Variants in ACSM2B observed in about 807,000 individuals in gnomAD.
The protein encoded by ACSM2B is acyl-coenzyme A synthetase ACSM2B, mitochondrial.
ACSM2B carries 58 observed loss-of-function variants against 78.6 expected under a neutral mutation model. That is an observed-to-expected ratio of 0.74 (90% confidence interval 0.60 to 0.92). The LOEUF (loss-of-function observed/expected upper bound fraction) is 0.92. Ranked by LOEUF, ACSM2B falls within the 40% of genes least tolerant of loss-of-function variation. The pLI, the probability that ACSM2B is intolerant of heterozygous loss-of-function variation, is 0.00. For missense variants in ACSM2B, 688 were observed against 711.2 expected (o/e 0.97, Z 0.37); for synonymous variants, 257 against 256.8 (o/e 1.00, Z -0.01).
chr16:20,566,661 T>TAG lies in ACSM2B; in HGVS notation c.-8-1809_-8-1808insCT, dbSNP rs1315446764. On this transcript the variant is annotated intron_variant, in intron 1 of 13. Transcript: ENST00000329697. ...ATATATATACTATACTATATATATG[T>TAG]ATATATAGTATATACATATAGTATA... Among the ~76,000 whole-genome samples the TAG allele has an allele frequency of 8.4e-4, 36 of 42,916 alleles. 1 individual carries two copies. The highest frequency in any genetic ancestry group is 7.4e-3 in the African/African-American group (36 of 4,868). 28.2% of individuals were successfully genotyped at this position (42,916 alleles called of 152,430 possible).
At position 20,564,786 on chromosome 16, in the gene ACSM2B, G is replaced by A. The variant is rs2015770850; in HGVS notation, c.60C>T (p.Ser20=). The A allele has an allele frequency of 6.2e-7, 1 of 1,613,250 alleles. No individual in the cohort carries two copies. The highest frequency in any genetic ancestry group is 1.1e-5 in the South Asian group (1 of 90,988). The stretch of plus-strand genomic sequence containing the variant: ...GCCTACTATTAATGTAGAGAGTGCG[G>A]CTGGACATCTGAGTACCCCACAGGG... ...LCTLWGTQMS[S]RTLYINSRQL... The change falls in exon 2 of 14, where the codon AGC becomes AGT. Residue 20 remains serine, a synonymous_variant. Coordinates refer to ENST00000329697, the MANE Select transcript of ACSM2B (RefSeq NM_001105069.2).
intron 2 of ACSM2B, among the ~76,000 whole-genome samples, chr16:20,562,018 C>G (rs1228330057): frequency 6.6e-6 from 1 of 151,436 alleles, no homozygotes. Flanking sequence ...TATTTTTTGT[C>G]TATTTGTTGA....
chr16:20,570,735 C>A (rs1216849405), intron 1 of ACSM2B, among the ~76,000 whole-genome samples: 2 of 151,518 alleles, frequency 1.3e-5, no homozygotes, highest in Admixed American at 1.3e-4. Flanking sequence ...TTTGTATTAC[C>A]ATTTTAATCT....
Position 20,537,098 on chromosome 16 carries a change from A to T in ACSM2B, c.*160T>A, listed in dbSNP as rs2014862417. On this transcript the variant is annotated 3_prime_UTR_variant, in exon 14 of 14. Coordinates refer to ENST00000329697, the MANE Select transcript of ACSM2B (RefSeq NM_001105069.2). ...CATTCCTTCCCTTTCTTATTTCAAT[A>T]TCTAACATAGTAATGTTTTGTGCTA... 1 of 822,006 alleles carries T rather than the reference A, an allele frequency of 1.2e-6. No individual in the cohort carries two copies. The highest frequency in any genetic ancestry group is 1.9e-6 in the Non-Finnish European group (1 of 515,956). The allele number at this position is 822,006 out of a possible 1,614,324, so 50.9% of individuals were successfully genotyped here.
chr16:20,546,097 T>A (rs1413460503), intron 9 of ACSM2B, among the ~76,000 whole-genome samples: 1 of 152,214 alleles, frequency 6.6e-6, no homozygotes, highest in Non-Finnish European at 1.5e-5. Flanking sequence ...CAAAATATTA[T>A]GTCAAGATTC....
intron 13 of ACSM2B, among the ~76,000 whole-genome samples, chr16:20,539,292 A>G (rs1272450155): frequency 4.4e-5 from 2 of 45,802 alleles, no homozygotes; most frequent in African/African-American, 5.5e-5. Context: ...CAGAAGACCT[A>G]TGACAATTAG....
chr16:20,555,163 C>T (rs1483208379), intron 4 of ACSM2B, 106 bp downstream of exon 4: 2 of 1,547,980 alleles, frequency 1.3e-6, no homozygotes. Context: ...TCTTCCTAGT[C>T]CCATGCTGTT....
rs535347683 is a variant in ACSM2B at position 20,572,775 on chromosome 16, T to A, written c.-9+3432A>T. On this transcript the variant is annotated intron_variant, in intron 1 of 13. Transcript: ENST00000329697. ...CTTGGAGGCTTTGTTCATTGAAAAA[T>A]TTTTTTTTCTTTGTCTTTGTTGGAT... 1.2e-3 allele frequency among the ~76,000 whole-genome samples: 179 copies of A among 151,766 alleles called. 5 individuals carry two copies. The South Asian group carries it at 0.035, about 30-fold the overall frequency.
At chr16:20,561,853 A>T (rs1315227786) in intron 2 of ACSM2B, among the ~76,000 whole-genome samples, 1 of 130,682 alleles carries the variant, frequency 7.7e-6, no homozygotes, top group African/African-American at 2.8e-5. Flanking sequence ...GCCTAATGTT[A>T]TCCCTCCCCC....
intron 1 of ACSM2B, among the ~76,000 whole-genome samples, chr16:20,565,416 C>T (rs1161842790): frequency 6.6e-6 from 1 of 152,098 alleles, no homozygotes; most frequent in Non-Finnish European, 1.5e-5. Flanking sequence ...AGACTGGGAC[C>T]CAGAACATCA....
chr16:20,536,330 T>G lies in ACSM2B; in HGVS notation c.*928A>C, dbSNP rs1343189694. On this transcript the variant is annotated 3_prime_UTR_variant, in exon 14 of 14. Coordinates refer to ENST00000329697, the MANE Select transcript of ACSM2B (RefSeq NM_001105069.2). ...TAACACCAAAAACATGAGGTATGGG[T>G]AGCTGATAACTTTGGCAGTGCTTAC... The G allele has an allele frequency of 1.3e-5, 2 of 152,172 alleles. No individual in the cohort carries two copies. The highest frequency in any genetic ancestry group is 2.9e-5 in the Non-Finnish European group (2 of 68,018). The allele number at this position is 152,172 out of a possible 1,614,324, so 9.4% of individuals were successfully genotyped here.
chr16:20,574,860 T>C lies in ACSM2B; in HGVS notation c.-9+1347A>G, dbSNP rs533957754. 8.9e-4 allele frequency among the ~76,000 whole-genome samples: 130 copies of C among 146,260 alleles called. 2 individuals carry two copies. The highest frequency in any genetic ancestry group is 2.3e-3 in the Admixed American group (34 of 15,018). The stretch of plus-strand genomic sequence containing the variant: ...GAGGCTCAGTATCTGCTTCTGAAGC[T>C]GGGAGATAGAATCCCCGAGTTCATC... On this transcript the variant is annotated intron_variant, in intron 1 of 13. Coordinates refer to ENST00000329697, the MANE Select transcript of ACSM2B (RefSeq NM_001105069.2).
At chr16:20,553,127 A>C (rs1265045886) in intron 5 of ACSM2B, among the ~76,000 whole-genome samples, 1 of 152,204 alleles carries the variant, frequency 6.6e-6, no homozygotes, top group African/African-American at 2.4e-5. Flanking sequence ...CTATGGGCTC[A>C]TAGATGGAAC....
intron 1 of ACSM2B, among the ~76,000 whole-genome samples, chr16:20,573,528 T>A (rs62036663): frequency 0.42 from 51,935 of 124,204 alleles, 13,155 homozygotes; most frequent in Non-Finnish European, 0.52. Context: ...AAAGTCAGTG[T>A]CCCCAGCTTC....
At chr16:20,549,820 A>G in intron 6 of ACSM2B, 1 of 449,964 alleles carries the variant, frequency 2.2e-6, no homozygotes, top group Non-Finnish European at 4.4e-6. Context: ...GGGGGCTTCC[A>G]GCTTATAGGT....
At chr16:20,551,950 A>G (rs1423846332) in intron 6 of ACSM2B, among the ~76,000 whole-genome samples, 194 bp downstream of exon 6, 4 of 152,142 alleles carry the variant, frequency 2.6e-5, no homozygotes, top group African/African-American at 9.7e-5. Context: ...TTATCTATAT[A>G]TGTGCCTGTC....
intron 2 of ACSM2B, among the ~76,000 whole-genome samples, chr16:20,560,906 C>T (rs2015633527): frequency 6.6e-6 from 1 of 152,034 alleles, no homozygotes; most frequent in Non-Finnish European, 1.5e-5. Context: ...AAAGGTCCTC[C>T]TTCCTATATT....
intron 1 of ACSM2B, among the ~76,000 whole-genome samples, chr16:20,568,117 TTA>T (rs1567219789): frequency 7.0e-6 from 1 of 143,286 alleles, no homozygotes; most frequent in African/African-American, 2.5e-5. Context: ...TATATACATA[TTA>T]TATATATGTT....
rs529364712 is a variant in ACSM2B at position 20,536,281 on chromosome 16, A to C, written c.*977T>G. 1 of 152,226 alleles carries C rather than the reference A, an allele frequency of 6.6e-6. No individual in the cohort carries two copies. The highest frequency in any genetic ancestry group is 2.1e-4 in the South Asian group (1 of 4,820). 9.4% of individuals were successfully genotyped at this position (152,226 alleles called of 1,614,324 possible). On this transcript the variant is annotated 3_prime_UTR_variant, in exon 14 of 14. Coordinates refer to ENST00000329697, the MANE Select transcript of ACSM2B (RefSeq NM_001105069.2). ...GGATCTTGGTTTTAAAATTATTTTA[A>C]TATTTGATTCTAGGAAGAGTAGATA...
Sources: gnomAD v4.1 joint callset for allele counts (sites outside exome capture counted in the v4.1 genomes callset) on GRCh38, gnomAD v4.1.1 for gene constraint, MANE v1.5 for transcripts, NCBI Gene and HGNC (gene_info 2026-07-23, HGNC 2026-07-21) for gene names.